The following AXDND1 variants were observed in gnomAD, a reference collection of about 807,000 sequenced individuals.
The protein encoded by AXDND1 is axonemal dynein light chain domain-containing protein 1.
Under a neutral mutation model 137.5 loss-of-function variants are expected in AXDND1, and 110 were observed. The ratio of observed to expected loss-of-function variants is 0.80; its 90% CI spans 0.69 to 0.94. The LOEUF (loss-of-function observed/expected upper bound fraction) is 0.94, where lower values mean the gene tolerates loss of function less well. Ranked by LOEUF, AXDND1 falls within the 40% of genes least tolerant of loss-of-function variation. The probability of loss-of-function intolerance (pLI) is 0.00; values close to 1 mark genes in which losing one functional copy is unlikely to be tolerated. For missense variants in AXDND1, 1,191 were observed against 1,169.8 expected (o/e 1.02, Z -0.26); for synonymous variants, 414 against 399.7 (o/e 1.04, Z -0.43).
chr1:179,504,414 C>T (rs900332420), intron 20 of AXDND1, among the ~76,000 whole-genome samples: 1 of 152,160 alleles, frequency 6.6e-6, no homozygotes, highest in Non-Finnish European at 1.5e-5. Context: ...AACTCTATGA[C>T]ACACTTAGTC....
At position 179,368,841 on chromosome 1, in the gene AXDND1, T is replaced by C. The variant is rs781473348; in HGVS notation, c.139T>C (p.Ser47Pro). 1 of 1,613,920 alleles carries C rather than the reference T, an allele frequency of 6.2e-7. No individual in the cohort carries two copies. Among genetic ancestry groups the C allele is most frequent in the South Asian group, 1.1e-5 (1 of 91,064 alleles). ...GGAGAAAAAAAATATGGTGGATCGT[T>C]CAAAACTCCTTCCTACTTCCCTTCA... ...LKEKKNMVDRSKLLPTSLQNE... is the reference protein window; with the variant it reads ...LKEKKNMVDRPKLLPTSLQNE... Residue 47 changes from serine to proline, a missense_variant, in exon 3 of 26, where the codon TCA becomes CCA. Ser to Pro is a moderately conservative substitution (Grantham distance 74). Coordinates refer to ENST00000367618, the MANE Select transcript of AXDND1 (RefSeq NM_144696.6).
chr1:179,519,335 G>T (rs1273851962), intron 21 of AXDND1, among the ~76,000 whole-genome samples: 1 of 152,144 alleles, frequency 6.6e-6, no homozygotes, highest in Non-Finnish European at 1.5e-5. Context: ...TCTGTAGGTT[G>T]TCTGTTTACT....
chr1:179,417,569 T>C (rs1411970551), intron 12 of AXDND1, among the ~76,000 whole-genome samples: 1 of 152,218 alleles, frequency 6.6e-6, no homozygotes, highest in African/African-American at 2.4e-5. Flanking sequence ...TGCATTGGTC[T>C]GTGTGTCTGC....
In AXDND1 at chr1:179,509,366, T is replaced by G; in HGVS notation, c.2459T>G (p.Leu820Ter). 1.2e-6 allele frequency: 2 copies of G among 1,612,246 alleles called. No individual in the cohort carries two copies. The highest frequency in any genetic ancestry group is 1.7e-6 in the Non-Finnish European group (2 of 1,178,460). ...LSNIKGRKIT[L>*]LTYEEIERLL... ...AATATCAAAGGCAGAAAAATTACATTATTGACATATGAAGAAATAGAGCGG... is the reference window on the plus strand; with the variant it reads ...AATATCAAAGGCAGAAAAATTACATGATTGACATATGAAGAAATAGAGCGG... The change falls in exon 21 of 26, where the codon TTA (leucine) becomes TGA (stop). Residue 820 changes from leucine to a stop codon, truncating the protein, a stop_gained. Transcript: ENST00000367618. LOFTEE classifies it high-confidence loss of function.
intron 15 of AXDND1, among the ~76,000 whole-genome samples, chr1:179,444,402 C>T (rs1007373555): frequency 5.9e-5 from 9 of 152,070 alleles, no homozygotes; most frequent in African/African-American, 2.2e-4. Flanking sequence ...TACACTGTCT[C>T]CCCATGCTAA....
chr1:179,385,498 CT>C (rs1649055418), intron 9 of AXDND1, 139 bp downstream of exon 9: 1 of 998,048 alleles, frequency 1.0e-6, no homozygotes, highest in Non-Finnish European at 1.5e-6. Context: ...ATTTTTTTTT[CT>C]TTTTTGTTAA....
In AXDND1 at chr1:179,533,797, A is replaced by T. The variant is rs755651824; in HGVS notation, c.2718A>T (p.Arg906Ser). The T allele has an allele frequency of 6.2e-7, 1 of 1,608,882 alleles. No individual in the cohort carries two copies. The highest frequency in any genetic ancestry group is 8.5e-7 in the Non-Finnish European group (1 of 1,175,580). The change falls in exon 24 of 26, where the codon AGA becomes AGT. Residue 906 changes from arginine (R) to serine (S), a missense_variant and splice_region_variant. Arg to Ser is a moderately radical substitution (Grantham distance 110). Transcript: ENST00000367618. Reference sequence around the variant, plus strand: ...ATATCTCATATTTCCTCTGTCAGAGAGAGTCAGCTAAGCAAGGTACATTGG... The same window carrying T: ...ATATCTCATATTTCCTCTGTCAGAGTGAGTCAGCTAAGCAAGGTACATTGG... ...LFETDVLSSW[R>S]ESAKQGTLAQ...
intron 6 of AXDND1, among the ~76,000 whole-genome samples, chr1:179,379,936 C>T (rs889605896): frequency 1.3e-5 from 2 of 151,968 alleles, no homozygotes; most frequent in Non-Finnish European, 2.9e-5. Context: ...TTTGAGCCAG[C>T]CATCCTAATA....
chr1:179,483,161 A>G lies in AXDND1; in HGVS notation c.2031A>G (p.Gln677=). 5 of 1,610,094 alleles carry G rather than the reference A, an allele frequency of 3.1e-6. No homozygotes were observed. The highest frequency in any genetic ancestry group is 4.2e-6 in the Non-Finnish European group (5 of 1,177,880). The change falls in exon 18 of 26, where the codon CAA becomes CAG. Residue 677 remains glutamine, a synonymous_variant. Coordinates refer to ENST00000367618, the MANE Select transcript of AXDND1 (RefSeq NM_144696.6). ...AAGCGTATATATTTAACATGATTCA[A>G]CAATGGCTTTTGAAGATAGGCAATG... ...VLQAYIFNMI[Q]QWLLKIGNEI...
At chr1:179,434,370 A>G (rs1657827783) in intron 15 of AXDND1, among the ~76,000 whole-genome samples, 1 of 152,176 alleles carries the variant, frequency 6.6e-6, no homozygotes, top group African/African-American at 2.4e-5. Flanking sequence ...CATCATCCTG[A>G]TACCAAAACC....
intron 19 of AXDND1, among the ~76,000 whole-genome samples, chr1:179,492,629 A>G (rs916064441): frequency 1.3e-5 from 2 of 152,124 alleles, no homozygotes; most frequent in African/African-American, 4.8e-5. Flanking sequence ...CAGTATTACT[A>G]AGGGTCAAGA....
At chr1:179,425,612 G>C (rs960724478) in intron 12 of AXDND1, among the ~76,000 whole-genome samples, 3 of 152,060 alleles carry the variant, frequency 2.0e-5, no homozygotes, top group Non-Finnish European at 4.4e-5. Context: ...GAATCAACAT[G>C]ATGAGGAAGC....
intron 25 of AXDND1, among the ~76,000 whole-genome samples, chr1:179,554,264 T>C (rs1673744198): frequency 6.6e-6 from 1 of 152,164 alleles, no homozygotes; most frequent in African/African-American, 2.4e-5. Flanking sequence ...TTTAGATTCA[T>C]AGAGAAAAAA....
At position 179,468,668 on chromosome 1, in the gene AXDND1, C is replaced by G. The variant is rs572203904; in HGVS notation, c.1997+27C>G. On this transcript the variant is annotated intron_variant, in intron 17 of 25. Transcript: ENST00000367618. Reference sequence around the variant, plus strand: ...TAAGTTCCCATAGGTTTCTTTTGTTCTGAGATAATTTTCCTAAAGGTTTGT... The same window carrying G: ...TAAGTTCCCATAGGTTTCTTTTGTTGTGAGATAATTTTCCTAAAGGTTTGT... 4.5e-5 allele frequency: 69 copies of G among 1,548,562 alleles called. No individual in the cohort carries two copies. In the East Asian group the frequency reaches 8.1e-4, roughly 18 times the overall value.
chr1:179,489,792 C>CTGGAGTGCA (rs1450484525), intron 18 of AXDND1, among the ~76,000 whole-genome samples: 11 of 135,108 alleles, frequency 8.1e-5, no homozygotes, highest in African/African-American at 3.2e-4. Context: ...GTCGCCCAGG[C>CTGGAGTGCA]TGGAGTGCAG....
intron 21 of AXDND1, among the ~76,000 whole-genome samples, chr1:179,523,295 A>G (rs1026467321): frequency 1.3e-5 from 2 of 151,616 alleles, no homozygotes; most frequent in African/African-American, 4.8e-5. Flanking sequence ...TAATTGACAA[A>G]TAAAAATTGT....
At chr1:179,395,259 GC>G in intron 11 of AXDND1, 57 bp downstream of exon 11, 1 of 1,314,458 alleles carries the variant, frequency 7.6e-7, no homozygotes, top group South Asian at 1.3e-5. Flanking sequence ...AGCTTATATA[GC>G]TTCTGAAATA....
At position 179,414,439 on chromosome 1, in the gene AXDND1, T is replaced by A. The variant is rs373238405; in HGVS notation, c.1230+3173T>A. 3.6e-4 allele frequency among the ~76,000 whole-genome samples: 25 copies of A among 70,124 alleles called. No homozygotes were observed. The South Asian group carries it at 0.012, about 32-fold the overall frequency. The allele number at this position is 70,124 out of a possible 152,430, so 46.0% of individuals were successfully genotyped here. A position where few individuals can be genotyped will look rare whatever the true frequency, so the allele number is the denominator to read the frequency against. Reference sequence around the variant, plus strand: ...TATTTATTTATTTATTTATTTATTTTTTTGAGATGGAGTCTCGCTCTTTCA... The same window carrying A: ...TATTTATTTATTTATTTATTTATTTATTTGAGATGGAGTCTCGCTCTTTCA... On this transcript the variant is annotated intron_variant, in intron 12 of 25. Coordinates refer to ENST00000367618, the MANE Select transcript of AXDND1 (RefSeq NM_144696.6).
chr1:179,454,636 G>T (rs1205975304), intron 16 of AXDND1: 1 of 152,198 alleles, frequency 6.6e-6, no homozygotes, highest in Non-Finnish European at 1.5e-5. Flanking sequence ...CTGTAAATGG[G>T]TCATCCAATT....
Sources: gnomAD v4.1 joint callset for allele counts (sites outside exome capture counted in the v4.1 genomes callset) on GRCh38, gnomAD v4.1.1 for gene constraint, MANE v1.5 for transcripts, NCBI Gene and HGNC (gene_info 2026-07-23, HGNC 2026-07-21) for gene names.